OXSR1: variants seen among roughly 807,000 people sequenced by gnomAD.
The protein encoded by OXSR1 is oxidative stress responsive kinase 1.
A neutral mutation model predicts 79.8 loss-of-function variants in OXSR1; 24 were observed. The observed-to-expected ratio is 0.30, with a 90% confidence interval of 0.22 to 0.42. OXSR1 has a LOEUF of 0.42. OXSR1 is among the 10% of genes least tolerant of loss of function. The pLI, the probability that OXSR1 is intolerant of heterozygous loss-of-function variation, is 1.00. For missense variants in OXSR1, 430 were observed against 618.4 expected (o/e 0.70, Z 3.23); for synonymous variants, 226 against 209.2 (o/e 1.08, Z -0.69).
intron 8 of OXSR1, among the ~76,000 whole-genome samples, chr3:38,226,624 G>A (rs930395940): frequency 6.6e-6 from 1 of 151,974 alleles, no homozygotes; most frequent in African/African-American, 2.4e-5. Context: ...AATGAGAAGG[G>A]CATATATATA....
chr3:38,176,606 T>C (rs1314348326), intron 1 of OXSR1, among the ~76,000 whole-genome samples: 1 of 152,218 alleles, frequency 6.6e-6, no homozygotes, highest in Admixed American at 6.5e-5. Context: ...ACTGTTAGCA[T>C]AGAAGAACTG....
At chr3:38,227,655 A>G (rs1702719511) in intron 8 of OXSR1, among the ~76,000 whole-genome samples, 1 of 152,100 alleles carries the variant, frequency 6.6e-6, no homozygotes, top group Non-Finnish European at 1.5e-5. Context: ...AGCGATATTC[A>G]AAGAAATAAT....
At chr3:38,224,445 A>G in intron 7 of OXSR1, 126 bp from the exon 8 acceptor site, 2 of 686,042 alleles carry the variant, frequency 2.9e-6, no homozygotes, top group South Asian at 3.8e-5. Flanking sequence ...TGATTCAGAT[A>G]TGAACTTACA....
chr3:38,252,821 C>G lies in OXSR1; in HGVS notation c.1514C>G (p.Ser505Cys). ...SNRSVTFKLA[S>C]GVEGSDIPDD... is the part of the protein sequence containing the mutation. ...CTCATTTTGTTTGGTTCTTAGGCAT[C>G]TGGTGTCGAAGGCTCAGATATTCCT... Residue 505 changes from serine to cysteine, a missense_variant, in exon 18 of 18, where the codon TCT becomes TGT. By Grantham distance (112) the Ser-to-Cys change is moderately radical (BLOSUM62 -1). Coordinates refer to ENST00000311806, the MANE Select transcript of OXSR1 (RefSeq NM_005109.3). The G allele has an allele frequency of 6.2e-7, 1 of 1,612,300 alleles. No homozygotes were observed. The highest frequency in any genetic ancestry group is 8.5e-7 in the Non-Finnish European group (1 of 1,178,438).
At position 38,218,087 on chromosome 3, in the gene OXSR1, A is replaced by G. The variant is rs1702519827; in HGVS notation, c.490+1936A>G. On this transcript the variant is annotated intron_variant, in intron 5 of 17. Transcript: ENST00000311806. ...CTGCTGTGAACACGAGTGTCCAAAT[A>G]TCTGTCTGAGTTTCTTGCTTTCATT... 2.0e-5 allele frequency among the ~76,000 whole-genome samples: 3 copies of G among 152,120 alleles called. No homozygotes were observed. In the South Asian group the frequency reaches 6.2e-4, roughly 32 times the overall value.
intron 8 of OXSR1, among the ~76,000 whole-genome samples, chr3:38,227,323 G>C (rs981209661): frequency 4.6e-5 from 7 of 152,064 alleles, no homozygotes; most frequent in African/African-American, 1.7e-4. Context: ...GAATCACAGA[G>C]AGGTTAAGTA....
Position 38,165,582 on chromosome 3 carries a change from G to A in OXSR1, c.-295G>A, listed in dbSNP as rs534410421. ...GTGGAGGGCGGGACAGAGGGGCTGGGCCCAGGCAAAGCTTCTGTCGCTGCT... is the reference window on the plus strand; with the variant it reads ...GTGGAGGGCGGGACAGAGGGGCTGGACCCAGGCAAAGCTTCTGTCGCTGCT... On this transcript the variant is annotated 5_prime_UTR_variant, in exon 1 of 18. Coordinates refer to ENST00000311806, the MANE Select transcript of OXSR1 (RefSeq NM_005109.3). The A allele has an allele frequency of 2.2e-5, 9 of 418,488 alleles. No individual in the cohort carries two copies. In the East Asian group the frequency reaches 4.0e-4, roughly 19 times the overall value. The allele number at this position is 418,488 out of a possible 1,614,324, so 25.9% of individuals were successfully genotyped here. A position where few individuals can be genotyped will look rare whatever the true frequency, so the allele number is the denominator to read the frequency against.
chr3:38,177,047 G>A (rs1701688205), intron 1 of OXSR1, among the ~76,000 whole-genome samples: 1 of 152,192 alleles, frequency 6.6e-6, no homozygotes, highest in African/African-American at 2.4e-5. Context: ...AACACCACTG[G>A]ATAGTACATT....
At chr3:38,232,978 A>G (rs1302544576) in intron 10 of OXSR1, among the ~76,000 whole-genome samples, 2 of 152,184 alleles carry the variant, frequency 1.3e-5, no homozygotes, top group African/African-American at 2.4e-5. Flanking sequence ...AAGGGAATTA[A>G]TAGTGCCAGG....
intron 4 of OXSR1, among the ~76,000 whole-genome samples, chr3:38,208,909 A>G (rs940108565): frequency 6.6e-6 from 1 of 152,194 alleles, no homozygotes; most frequent in Admixed American, 6.5e-5. Flanking sequence ...CTCAAAAAAT[A>G]AAAATAAAAA....
intron 10 of OXSR1, among the ~76,000 whole-genome samples, chr3:38,233,927 AAG>A (rs1415846111): frequency 6.6e-6 from 1 of 152,178 alleles, no homozygotes; most frequent in Middle Eastern, 3.2e-3. Context: ...AAAAAAAAAA[AAG>A]AGTTTACATT....
chr3:38,177,267 G>A (rs1701692095), intron 1 of OXSR1, among the ~76,000 whole-genome samples: 1 of 152,236 alleles, frequency 6.6e-6, no homozygotes, highest in African/African-American at 2.4e-5. Flanking sequence ...CTGAAGGCAA[G>A]AGAAAGCAGT....
intron 3 of OXSR1, among the ~76,000 whole-genome samples, chr3:38,198,350 C>A (rs1255781271): frequency 1.3e-5 from 2 of 152,110 alleles, no homozygotes; most frequent in African/African-American, 4.8e-5. Context: ...TTTAGTCATA[C>A]AGCAGTGCAT....
At chr3:38,213,881 T>A (rs536426607) in intron 4 of OXSR1, among the ~76,000 whole-genome samples, 55 of 152,360 alleles carry the variant, frequency 3.6e-4, no homozygotes, top group African/African-American at 1.3e-3. Flanking sequence ...AAAATACAAA[T>A]GGCCACATAC....
At position 38,227,595 on chromosome 3, in the gene OXSR1, G is replaced by A. The variant is rs1341809818; in HGVS notation, c.837-2092G>A. ...CACACACACACACACACAAATGTAC[G>A]TATACATATACATGAACTTACCAGG... On this transcript the variant is annotated intron_variant, in intron 8 of 17. Coordinates refer to ENST00000311806, the MANE Select transcript of OXSR1 (RefSeq NM_005109.3). Among the ~76,000 whole-genome samples, 11 of 140,252 alleles carry A rather than the reference G, an allele frequency of 7.8e-5. 1 individual carries two copies. Among genetic ancestry groups the A allele is most frequent in the African/African-American group, 1.7e-4 (6 of 35,692 alleles). The allele number at this position is 140,252 out of a possible 152,430, so 92.0% of individuals were successfully genotyped here.
At chr3:38,219,779 AGATGAT>A (rs3058799) in intron 5 of OXSR1, among the ~76,000 whole-genome samples, 9,521 of 148,290 alleles carry the variant, frequency 0.064, 521 homozygotes, top group African/African-American at 0.15. Context: ...AAAACTGTTA[AGATGAT>A]GATGATGATG....
chr3:38,220,227 T>A (rs1702562523), intron 5 of OXSR1, among the ~76,000 whole-genome samples: 1 of 152,214 alleles, frequency 6.6e-6, no homozygotes, highest in Non-Finnish European at 1.5e-5. Flanking sequence ...AGCAATTATT[T>A]CAAATAATTG....
chr3:38,216,260 A>C, intron 5 of OXSR1, 109 bp downstream of exon 5: 1 of 682,948 alleles, frequency 1.5e-6, no homozygotes, highest in South Asian at 2.0e-5. Flanking sequence ...GACCATCTCT[A>C]TTCAAGCATC....
chr3:38,166,033 C>A, intron 1 of OXSR1, 87 bp downstream of exon 1: 1 of 1,226,662 alleles, frequency 8.2e-7, no homozygotes, highest in Non-Finnish European at 1.2e-6. Context: ...GCTCGGGGAG[C>A]GCAGCCCTCA....
Sources: gnomAD v4.1 joint callset for allele counts (sites outside exome capture counted in the v4.1 genomes callset) on GRCh38, gnomAD v4.1.1 for gene constraint, MANE v1.5 for transcripts, NCBI Gene and HGNC (gene_info 2026-07-23, HGNC 2026-07-21) for gene names.